The following NEK11 variants were observed in gnomAD, a reference collection of about 807,000 sequenced individuals.
NEK11 encodes NIMA related kinase 11.
A neutral mutation model predicts 80.7 loss-of-function variants in NEK11; 72 were observed. That is an observed-to-expected ratio of 0.89 (90% CI 0.74 to 1.08). The LOEUF is 1.08. Among genes scored for constraint, NEK11 ranks in the 50% least tolerant of loss-of-function variants. NEK11 has a pLI of 0.00. For synonymous variants in NEK11, 251 were observed against 260.7 expected (o/e 0.96, Z 0.36); for missense variants, 764 against 763.6 (o/e 1.00, Z -0.01).
At chr3:131,311,221 C>A (rs2096779401) in intron 17 of NEK11, among the ~76,000 whole-genome samples, 1 of 152,094 alleles carries the variant, frequency 6.6e-6, no homozygotes, top group Non-Finnish European at 1.5e-5. Flanking sequence ...TTTAGGATAT[C>A]CATGACCTAG....
intron 14 of NEK11, among the ~76,000 whole-genome samples, chr3:131,205,397 T>A (rs200102587): frequency 6.6e-6 from 1 of 152,074 alleles, no homozygotes; most frequent in Non-Finnish European, 1.5e-5. Flanking sequence ...CACAAACAGG[T>A]AGAGCTGGAG....
chr3:131,052,394 G>T lies in NEK11; in HGVS notation c.170+22516G>T, dbSNP rs74381844. On this transcript the variant is annotated intron_variant, in intron 3 of 17. Coordinates refer to ENST00000383366, the MANE Select transcript of NEK11 (RefSeq NM_024800.5). ...ACAAACATGCCACTATTTCTTGCAT[G>T]AATTTTTAAGATAAAACATAACATT... is the stretch of plus-strand genomic sequence containing the variant. 4.9e-3 allele frequency among the ~76,000 whole-genome samples: 751 copies of T among 152,206 alleles called. 11 individuals are homozygous for T. The highest frequency in any genetic ancestry group is 0.017 in the African/African-American group (716 of 41,546).
At chr3:131,282,660 C>T (rs1337865798) in intron 17 of NEK11, among the ~76,000 whole-genome samples, 4 of 144,594 alleles carry the variant, frequency 2.8e-5, no homozygotes, top group South Asian at 2.1e-4. Flanking sequence ...CTCAGATAGC[C>T]GGTTCACAAG....
chr3:131,280,269 A>C (rs2096374628), intron 17 of NEK11, among the ~76,000 whole-genome samples: 2 of 152,200 alleles, frequency 1.3e-5, no homozygotes, highest in South Asian at 4.1e-4. Flanking sequence ...ACAGGAAAAA[A>C]ATAATCTTTG....
At chr3:131,250,299 T>G (rs1374812687) in intron 16 of NEK11, among the ~76,000 whole-genome samples, 1 of 151,726 alleles carries the variant, frequency 6.6e-6, no homozygotes, top group African/African-American at 2.4e-5. Context: ...GAAAAATATC[T>G]AGAGAGAATC....
At chr3:131,160,124 T>C (rs1294865207) in intron 10 of NEK11, among the ~76,000 whole-genome samples, 2 of 152,036 alleles carry the variant, frequency 1.3e-5, no homozygotes, top group African/African-American at 4.8e-5. Flanking sequence ...GGACACATAA[T>C]CGTGAGGTTT....
chr3:131,135,034 G>A (rs941756345), intron 7 of NEK11, among the ~76,000 whole-genome samples: 5 of 152,186 alleles, frequency 3.3e-5, no homozygotes, highest in Non-Finnish European at 5.9e-5. Flanking sequence ...GACAAGCAGT[G>A]TAAAAGATGT....
intron 14 of NEK11, among the ~76,000 whole-genome samples, chr3:131,182,610 C>T (rs2093415927): frequency 6.6e-6 from 1 of 152,224 alleles, no homozygotes; most frequent in African/African-American, 2.4e-5. Context: ...CTAACCCCTT[C>T]ATTTGTCTGA....
intron 14 of NEK11, among the ~76,000 whole-genome samples, chr3:131,197,882 G>A (rs967205461): frequency 2.1e-4 from 32 of 151,938 alleles, no homozygotes; most frequent in Non-Finnish European, 1.0e-4. Flanking sequence ...TCTGCTTGGC[G>A]GTTCCCTTCT....
intron 17 of NEK11, among the ~76,000 whole-genome samples, chr3:131,336,049 C>T (rs1454687471): frequency 5.3e-5 from 8 of 151,864 alleles, no homozygotes; most frequent in Non-Finnish European, 8.8e-5. Flanking sequence ...CTGCCCAAGG[C>T]AATTTATAGA....
chr3:131,066,773 C>T (rs2072064910), intron 3 of NEK11, among the ~76,000 whole-genome samples: 1 of 147,370 alleles, frequency 6.8e-6, no homozygotes, highest in African/African-American at 2.5e-5. Context: ...ACTTGGGAGG[C>T]GGAGGTTGCA....
intron 4 of NEK11, among the ~76,000 whole-genome samples, chr3:131,090,851 A>G (rs539662679): frequency 2.6e-5 from 4 of 152,198 alleles, no homozygotes; most frequent in South Asian, 2.1e-4. Flanking sequence ...TGCAGCCTCA[A>G]TCTCCTGGAC....
At chr3:131,250,538 G>T (rs7611022) in intron 16 of NEK11, among the ~76,000 whole-genome samples, 16,499 of 152,006 alleles carry the variant, frequency 0.11, 1,468 homozygotes, top group African/African-American at 0.24. Flanking sequence ...GAGGATATGC[G>T]TCATCAAACC....
At chr3:131,308,267 G>A (rs2096742109) in intron 17 of NEK11, among the ~76,000 whole-genome samples, 1 of 152,182 alleles carries the variant, frequency 6.6e-6, no homozygotes. Flanking sequence ...TTAGTAAGGG[G>A]TTCTGCTGGG....
chr3:131,109,847 A>G lies in NEK11; in HGVS notation c.381A>G (p.Gly127=), dbSNP rs2079803249. 6.2e-7 allele frequency: 1 copy of G among 1,606,666 alleles called. No individual in the cohort carries two copies. The change falls in exon 5 of 18, where the codon GGA becomes GGG. Residue 127 remains glycine (G), a synonymous_variant. Transcript: ENST00000383366. ...DDKIQEYKQA[G]KIFPENQIIE... ...AAATTCAGGAATATAAACAAGCTGG[A>G]AAAATCTTTCCAGAAAATCAAATAA...
At chr3:131,159,436 G>C (rs538350386) in intron 10 of NEK11, among the ~76,000 whole-genome samples, 27 of 152,298 alleles carry the variant, frequency 1.8e-4, no homozygotes, top group African/African-American at 6.5e-4. Flanking sequence ...GTATAGAAAA[G>C]AATGTAACTG....
chr3:131,295,292 G>C (rs1480180303), intron 17 of NEK11, among the ~76,000 whole-genome samples: 1 of 149,936 alleles, frequency 6.7e-6, no homozygotes, highest in Non-Finnish European at 1.5e-5. Context: ...TTTCAGATTT[G>C]GGATTTTTTT....
chr3:131,183,259 A>G (rs1433587801), intron 14 of NEK11, among the ~76,000 whole-genome samples: 2 of 152,234 alleles, frequency 1.3e-5, no homozygotes, highest in Non-Finnish European at 2.9e-5. Flanking sequence ...TAACATGTTC[A>G]CAGGCCAACT....
At chr3:131,139,194 A>G (rs926964756) in intron 7 of NEK11, among the ~76,000 whole-genome samples, 1 of 151,970 alleles carries the variant, frequency 6.6e-6, no homozygotes, top group African/African-American at 2.4e-5. Flanking sequence ...TGAAATAATT[A>G]AAAAGAATCA....
Sources: allele counts gnomAD v4.1 joint callset (sites outside exome capture counted in the v4.1 genomes callset), GRCh38; gene constraint gnomAD v4.1.1; transcripts MANE v1.5; gene names NCBI Gene and HGNC (gene_info 2026-07-23, HGNC 2026-07-21).